Variants in KCNQ3 observed in about 807,000 individuals in gnomAD.
The protein encoded by KCNQ3 is potassium voltage-gated channel subfamily Q member 3, also known as potassium voltage-gated channel subfamily KQT member 3.
Under a neutral mutation model 92.5 loss-of-function variants are expected in KCNQ3, and 30 were observed. That is an observed-to-expected ratio of 0.32 (90% CI 0.24 to 0.44). The LOEUF (loss-of-function observed/expected upper bound fraction) is 0.44, where lower values mean the gene tolerates loss of function less well. Among genes scored for constraint, KCNQ3 ranks in the 20% least tolerant of loss-of-function variants. KCNQ3 has a pLI of 1.00. For missense variants in KCNQ3, 913 were observed against 1,140.3 expected (o/e 0.80, Z 2.87); for synonymous variants, 450 against 468.8 (o/e 0.96, Z 0.52).
chr8:132,364,158 G>A (rs562403311), intron 1 of KCNQ3, among the ~76,000 whole-genome samples: 2 of 152,110 alleles, frequency 1.3e-5, no homozygotes, highest in South Asian at 4.2e-4. Context: ...TCGAACATAA[G>A]GCAAAAATTG....
intron 1 of KCNQ3, among the ~76,000 whole-genome samples, chr8:132,411,948 C>A (rs1820662898): frequency 6.6e-6 from 1 of 152,214 alleles, no homozygotes; most frequent in Non-Finnish European, 1.5e-5. Context: ...ATGGCTTCCA[C>A]CACTCTTTTG....
At chr8:132,287,691 T>C (rs1255953830) in intron 1 of KCNQ3, among the ~76,000 whole-genome samples, 2 of 152,218 alleles carry the variant, frequency 1.3e-5, no homozygotes, top group African/African-American at 4.8e-5. Context: ...ATAAAATATG[T>C]CTGGTTTGTA....
chr8:132,262,248 C>A (rs1815812020), intron 1 of KCNQ3, among the ~76,000 whole-genome samples: 1 of 151,924 alleles, frequency 6.6e-6, no homozygotes, highest in South Asian at 2.1e-4. Context: ...GGAGTGATAC[C>A]CAAAGGGTAT....
chr8:132,144,511 C>T (rs892678169), intron 9 of KCNQ3, among the ~76,000 whole-genome samples: 26 of 152,192 alleles, frequency 1.7e-4, no homozygotes, highest in African/African-American at 6.0e-4. Flanking sequence ...ATCAGATTTT[C>T]TTCGAAAGCT....
chr8:132,125,875 G>A lies in KCNQ3; in HGVS notation c.*3387C>T, dbSNP rs1030351236. Reference sequence around the variant, plus strand: ...TTCAACAACACTTTCTCAATTTGATGTGTTTTTCTTTTCCTGAAATAATTT... The same window carrying A: ...TTCAACAACACTTTCTCAATTTGATATGTTTTTCTTTTCCTGAAATAATTT... On this transcript the variant is annotated 3_prime_UTR_variant, in exon 15 of 15. Coordinates refer to ENST00000388996, the MANE Select transcript of KCNQ3 (RefSeq NM_004519.4). 4 of 152,092 alleles carry A rather than the reference G, an allele frequency of 2.6e-5. No individual in the cohort carries two copies. The highest frequency in any genetic ancestry group is 5.9e-5 in the Non-Finnish European group (4 of 68,004). The allele number at this position is 152,092 out of a possible 1,614,324, so 9.4% of individuals were successfully genotyped here. A position where few individuals can be genotyped will look rare whatever the true frequency, so the allele number is the denominator to read the frequency against.
At chr8:132,339,657 C>T (rs374111007) in intron 1 of KCNQ3, among the ~76,000 whole-genome samples, 37 of 151,698 alleles carry the variant, frequency 2.4e-4, no homozygotes, top group African/African-American at 7.3e-4. Context: ...TGGAATGAGC[C>T]GAGATCTCAC....
intron 1 of KCNQ3, among the ~76,000 whole-genome samples, chr8:132,400,726 G>A (rs1390483713): frequency 2.0e-5 from 3 of 152,252 alleles, no homozygotes; most frequent in East Asian, 1.9e-4. Context: ...GGGAAACAGC[G>A]TATAAAGAAT....
At chr8:132,201,188 C>T (rs529972676) in intron 1 of KCNQ3, among the ~76,000 whole-genome samples, 3 of 152,322 alleles carry the variant, frequency 2.0e-5, no homozygotes, top group Admixed American at 2.0e-4. Context: ...AAAGGTCCCA[C>T]ATTTCTCAAC....
chr8:132,264,330 A>ATAG (rs764072911), intron 1 of KCNQ3, among the ~76,000 whole-genome samples: 107 of 152,280 alleles, frequency 7.0e-4, no homozygotes, highest in Middle Eastern at 3.4e-3. Flanking sequence ...GCTGTGCAGA[A>ATAG]TAGAAGCACA....
At chr8:132,182,882 G>A (rs1314199321) in intron 3 of KCNQ3, among the ~76,000 whole-genome samples, 12 of 146,092 alleles carry the variant, frequency 8.2e-5, no homozygotes, top group East Asian at 6.1e-4. Flanking sequence ...CTCCAATATC[G>A]CACACACACA....
chr8:132,143,052 A>G (rs752474037), intron 9 of KCNQ3, among the ~76,000 whole-genome samples: 2 of 152,208 alleles, frequency 1.3e-5, no homozygotes, highest in Non-Finnish European at 2.9e-5. Context: ...AAACGAGTGA[A>G]TGAATGAATG....
chr8:132,207,467 A>G (rs1371653434), intron 1 of KCNQ3, among the ~76,000 whole-genome samples: 2 of 152,184 alleles, frequency 1.3e-5, no homozygotes, highest in African/African-American at 2.4e-5. Context: ...AAAAACGGAA[A>G]CTAGAATTCT....
intron 1 of KCNQ3, among the ~76,000 whole-genome samples, chr8:132,335,923 T>A (rs1818357632): frequency 6.6e-6 from 1 of 152,206 alleles, no homozygotes; most frequent in South Asian, 2.1e-4. Context: ...TCTAACATGA[T>A]AAACACCAGG....
chr8:132,457,947 G>A (rs1021487734), intron 1 of KCNQ3, among the ~76,000 whole-genome samples: 1 of 152,186 alleles, frequency 6.6e-6, no homozygotes, highest in Non-Finnish European at 1.5e-5. Context: ...TGTTGTGAGA[G>A]GGCCACCCTG....
chr8:132,467,945 C>CAGCA (rs1240179385), intron 1 of KCNQ3, among the ~76,000 whole-genome samples: 4 of 152,146 alleles, frequency 2.6e-5, no homozygotes, highest in African/African-American at 9.7e-5. Flanking sequence ...CTCCCCTTAG[C>CAGCA]AGCACCACCT....
intron 1 of KCNQ3, among the ~76,000 whole-genome samples, chr8:132,311,095 C>T (rs569020930): frequency 1.3e-5 from 2 of 152,208 alleles, no homozygotes; most frequent in African/African-American, 4.8e-5. Context: ...TGCTGCCACA[C>T]CCAGCTAATT....
intron 1 of KCNQ3, among the ~76,000 whole-genome samples, chr8:132,302,230 T>C (rs1817237648): frequency 6.6e-6 from 1 of 152,200 alleles, no homozygotes; most frequent in African/African-American, 2.4e-5. Context: ...ATGAAAGACC[T>C]GCCAGTAATG....
chr8:132,186,714 G>A (rs192132211), intron 1 of KCNQ3: 67 of 247,392 alleles, frequency 2.7e-4, no homozygotes, highest in Admixed American at 1.6e-3. Flanking sequence ...TACAGTCAAT[G>A]GAACCTCTTT....
At chr8:132,476,503 T>G (rs2130870971) in intron 1 of KCNQ3, among the ~76,000 whole-genome samples, 1 of 152,344 alleles carries the variant, frequency 6.6e-6, no homozygotes, top group South Asian at 2.1e-4. Flanking sequence ...GTGGCCTGGA[T>G]GTGAGACATG....
Sources: gnomAD v4.1 joint callset for allele counts (sites outside exome capture counted in the v4.1 genomes callset) on GRCh38, gnomAD v4.1.1 for gene constraint, MANE v1.5 for transcripts, NCBI Gene and HGNC (gene_info 2026-07-23, HGNC 2026-07-21) for gene names.